HOXC8: variants seen among roughly 807,000 people sequenced by gnomAD.
HOXC8 encodes homeobox protein Hox-C8.
HOXC8 carries 14 observed loss-of-function variants against 25.8 expected under a neutral mutation model. That is an observed-to-expected ratio of 0.54 (90% CI 0.36 to 0.85). The LOEUF (loss-of-function observed/expected upper bound fraction) is 0.85. HOXC8 is among the 40% of genes least tolerant of loss of function. The probability of loss-of-function intolerance (pLI) is 0.01; values close to 1 mark genes in which losing one functional copy is unlikely to be tolerated. For missense variants in HOXC8, 316 were observed against 308.8 expected (o/e 1.02, Z -0.17); for synonymous variants, 144 against 124.6 (o/e 1.16, Z -1.04).
rs1940001332 is a variant in HOXC8 at position 54,011,812 on chromosome 12, T to G, written c.*431T>G. 1 of 153,478 alleles carries G rather than the reference T, an allele frequency of 6.5e-6. No homozygotes were observed. The highest frequency in any genetic ancestry group is 2.4e-5 in the African/African-American group (1 of 41,474). The allele number at this position is 153,478 out of a possible 1,614,324, so 9.5% of individuals were successfully genotyped here. A position where few individuals can be genotyped will look rare whatever the true frequency, so the allele number is the denominator to read the frequency against. ...GAAATGCAGAAAAGGACTTGTGGTT[T>G]TGTTTTTATGCTAAGGCTAGTGTAC... On this transcript the variant is annotated 3_prime_UTR_variant, in exon 2 of 2. Coordinates refer to ENST00000040584, the MANE Select transcript of HOXC8 (RefSeq NM_022658.4).
In HOXC8 at chr12:54,009,839, AC is replaced by A; in HGVS notation, c.436+124del. On this transcript the variant is annotated intron_variant, in intron 1 of 1. Coordinates refer to ENST00000040584, the MANE Select transcript of HOXC8 (RefSeq NM_022658.4). This position sits in a 1 kb window ranked among gnomAD's most constrained non-coding sequence, Gnocchi z 5.0. ...CTGGCTTTGGGGTCTCTCCCGCCCC[AC>A]CCCCGTGCCTGTGCCTGGGTGGTTT... is the stretch of plus-strand genomic sequence containing the variant. 1 of 867,626 alleles carries A rather than the reference AC, an allele frequency of 1.2e-6. No individual in the cohort carries two copies. The highest frequency in any genetic ancestry group is 1.8e-6 in the Non-Finnish European group (1 of 559,350). The allele number at this position is 867,626 out of a possible 1,614,324, so 53.7% of individuals were successfully genotyped here.
In HOXC8 at chr12:54,009,404, C is replaced by CGGGCCCG; in HGVS notation, c.122_128dup (p.Gly44AlafsTer39). The CGGGCCCG allele has an allele frequency of 6.2e-7, 1 of 1,614,022 alleles. No homozygotes were observed. Among genetic ancestry groups the CGGGCCCG allele is most frequent in the Non-Finnish European group, 8.5e-7 (1 of 1,179,968 alleles). On this transcript the variant is annotated frameshift_variant, in exon 1 of 2. Coordinates refer to ENST00000040584, the MANE Select transcript of HOXC8 (RefSeq NM_022658.4). LOFTEE classifies it high-confidence loss of function. The surrounding 1 kb of genome is among the most constrained non-coding windows in gnomAD (Gnocchi z 5.0). ...TGGGCAGGAGCCATGCGCTGGTGTACGGGCCCGGCGGCTCGGCGCCCGGCT... is the reference window on the plus strand; with the variant it reads ...TGGGCAGGAGCCATGCGCTGGTGTACGGGCCCGGGGCCCGGCGGCTCGGCGCCCGGCT...
At position 54,009,713 on chromosome 12, in the gene HOXC8, A is replaced by T. The variant is rs767319299; in HGVS notation, c.429A>T (p.Arg143Ser). 1 of 1,613,034 alleles carries T rather than the reference A, an allele frequency of 6.2e-7. No homozygotes were observed. Residue 143 changes from arginine to serine, a missense_variant, in exon 1 of 2, where the codon AGA becomes AGT. Coordinates refer to ENST00000040584, the MANE Select transcript of HOXC8 (RefSeq NM_022658.4). This position sits in a 1 kb window ranked among gnomAD's most constrained non-coding sequence, Gnocchi z 5.0. ...CCAGCCTCATGTTTCCATGGATGAGACCCCACGGTGAGAAGCCTTTTCTCT... is the reference window on the plus strand; with the variant it reads ...CCAGCCTCATGTTTCCATGGATGAGTCCCCACGGTGAGAAGCCTTTTCTCT... ...SSPSLMFPWM[R>S]PHAPGRRSGR...
At position 54,009,806 on chromosome 12, in the gene HOXC8, T is replaced by C. The variant is rs556108391; in HGVS notation, c.436+86T>C. On this transcript the variant is annotated intron_variant, in intron 1 of 1. Coordinates refer to ENST00000040584, the MANE Select transcript of HOXC8 (RefSeq NM_022658.4). The surrounding 1 kb of genome is among the most constrained non-coding windows in gnomAD (Gnocchi z 5.0). Reference sequence around the variant, plus strand: ...TCGCCTCCTTTTTGTCTGCCCTCGCTTTTTCTCCTGGCTTTGGGGTCTCTC... The same window carrying C: ...TCGCCTCCTTTTTGTCTGCCCTCGCCTTTTCTCCTGGCTTTGGGGTCTCTC... 2.5e-5 allele frequency: 31 copies of C among 1,228,804 alleles called. No individual in the cohort carries two copies. In the African/African-American group the frequency reaches 4.2e-4, roughly 17 times the overall value. The allele number at this position is 1,228,804 out of a possible 1,614,324, so 76.1% of individuals were successfully genotyped here.
chr12:54,009,016 A>T lies in HOXC8; in HGVS notation c.-269A>T, dbSNP rs1939915105. On this transcript the variant is annotated 5_prime_UTR_variant, in exon 1 of 2. Transcript: ENST00000040584. The surrounding 1 kb of genome is among the most constrained non-coding windows in gnomAD (Gnocchi z 5.0). ...GAGAGCGCGAGCTCTACCTACCGAC[A>T]GTGAGGAGCGCCGCCGCCGCCGCCG... 7.1e-6 allele frequency: 1 copy of T among 139,890 alleles called. No homozygotes were observed. Among genetic ancestry groups the T allele is most frequent in the Non-Finnish European group, 1.6e-5 (1 of 64,474 alleles). 8.7% of individuals were successfully genotyped at this position (139,890 alleles called of 1,614,324 possible).
Position 54,009,319 on chromosome 12 carries a change from A to C in HOXC8, c.35A>C (p.Lys12Thr). The C allele has an allele frequency of 1.9e-6, 3 of 1,603,534 alleles. No individual in the cohort carries two copies. In the South Asian group the frequency reaches 3.3e-5, roughly 18 times the overall value. ...SSYFVNPLFS[K>T]YKAGESLEPA... Reference sequence around the variant, plus strand: ...TACTTCGTCAACCCCCTGTTCTCCAAATACAAAGCCGGCGAGTCCCTGGAA... The same window carrying C: ...TACTTCGTCAACCCCCTGTTCTCCACATACAAAGCCGGCGAGTCCCTGGAA... Residue 12 changes from lysine to threonine, a missense_variant, in exon 1 of 2, where the codon AAA (lysine) becomes ACA (threonine). Physicochemically the swap from Lys to Thr is moderately conservative, Grantham distance 78 (BLOSUM62 -1). Transcript: ENST00000040584. This position sits in a 1 kb window ranked among gnomAD's most constrained non-coding sequence, Gnocchi z 5.0.
At position 54,009,437 on chromosome 12, in the gene HOXC8, C is replaced by T. The variant is rs563958540; in HGVS notation, c.153C>T (p.His51=). The T allele has an allele frequency of 1.9e-6, 3 of 1,614,016 alleles. No homozygotes were observed. The highest frequency in any genetic ancestry group is 2.7e-5 in the African/African-American group (2 of 74,928). Residue 51 remains histidine (H), a synonymous_variant, in exon 1 of 2, where the codon CAC becomes CAT. Transcript: ENST00000040584. The surrounding 1 kb of genome is among the most constrained non-coding windows in gnomAD (Gnocchi z 5.0). ...GPGGSAPGFQ[H]ASHHVQDFFH... is the part of the protein sequence containing the mutation. ...GCGGCTCGGCGCCCGGCTTCCAGCA[C>T]GCTTCGCACCACGTTCAAGACTTCT...
Position 54,009,401 on chromosome 12 carries a change from G to T in HOXC8, c.117G>T (p.Val39=). ...PQSVGRSHAL[V]YGPGGSAPGF... ...GCGTGGGCAGGAGCCATGCGCTGGT[G>T]TACGGGCCCGGCGGCTCGGCGCCCG... is the stretch of plus-strand genomic sequence containing the variant. The change falls in exon 1 of 2, where the codon GTG becomes GTT. Residue 39 remains valine, a synonymous_variant. Transcript: ENST00000040584. The surrounding 1 kb of genome is among the most constrained non-coding windows in gnomAD (Gnocchi z 5.0). 1 of 1,614,068 alleles carries T rather than the reference G, an allele frequency of 6.2e-7. No individual in the cohort carries two copies. The highest frequency in any genetic ancestry group is 8.5e-7 in the Non-Finnish European group (1 of 1,179,978).
rs1940025688 is a variant in HOXC8, at chr12:54,012,727, G to T, written c.*1346G>T. 6.6e-6 allele frequency among the ~76,000 whole-genome samples: 1 copy of T among 152,244 alleles called. No individual in the cohort carries two copies. The highest frequency in any genetic ancestry group is 2.4e-5 in the African/African-American group (1 of 41,532). On this transcript the variant is annotated 3_prime_UTR_variant, in exon 2 of 2. Transcript: ENST00000040584. ...GTTCCTGGTCCAAGTACTTTGTATTGTATACGTGAGTCATAATAATAAAAA... is the reference window on the plus strand; with the variant it reads ...GTTCCTGGTCCAAGTACTTTGTATTTTATACGTGAGTCATAATAATAAAAA...
chr12:54,009,194 T>G lies in HOXC8; in HGVS notation c.-91T>G. 2.3e-5 allele frequency: 26 copies of G among 1,114,788 alleles called. No individual in the cohort carries two copies. The highest frequency in any genetic ancestry group is 3.1e-5 in the Non-Finnish European group (24 of 769,894). The allele number at this position is 1,114,788 out of a possible 1,614,324, so 69.1% of individuals were successfully genotyped here. A position where few individuals can be genotyped will look rare whatever the true frequency, so the allele number is the denominator to read the frequency against. Reference sequence around the variant, plus strand: ...TCCCGGGGAGCCAGCTGGCCTGGGGTTCGGTCCCGGGGGGAGGGGAGTTTC... The same window carrying G: ...TCCCGGGGAGCCAGCTGGCCTGGGGGTCGGTCCCGGGGGGAGGGGAGTTTC... On this transcript the variant is annotated 5_prime_UTR_variant, in exon 1 of 2. Coordinates refer to ENST00000040584, the MANE Select transcript of HOXC8 (RefSeq NM_022658.4). This position sits in a 1 kb window ranked among gnomAD's most constrained non-coding sequence, Gnocchi z 5.0.
Position 54,011,405 on chromosome 12 carries a change from C to CG in HOXC8, c.*24_*25insG. 7.0e-7 allele frequency: 1 copy of CG among 1,422,276 alleles called. No homozygotes were observed. The highest frequency in any genetic ancestry group is 1.5e-5 in the South Asian group (1 of 65,264). 88.1% of individuals were successfully genotyped at this position (1,422,276 alleles called of 1,614,324 possible). A position where few individuals can be genotyped will look rare whatever the true frequency, so the allele number is the denominator to read the frequency against. ...AAGCAAAAAAGAAAGACCCCCCCCC[C>CG]CTTAGCAACTCCCTTGAAGTTTCGT... On this transcript the variant is annotated 3_prime_UTR_variant, in exon 2 of 2. Coordinates refer to ENST00000040584, the MANE Select transcript of HOXC8 (RefSeq NM_022658.4).
At position 54,011,505 on chromosome 12, in the gene HOXC8, TCTAA is replaced by T; in HGVS notation, c.*128_*131del. 4.2e-6 allele frequency: 5 copies of T among 1,179,000 alleles called. No homozygotes were observed. The highest frequency in any genetic ancestry group is 2.2e-5 in the South Asian group (1 of 44,512). 73.0% of individuals were successfully genotyped at this position (1,179,000 alleles called of 1,614,324 possible). A position where few individuals can be genotyped will look rare whatever the true frequency, so the allele number is the denominator to read the frequency against. On this transcript the variant is annotated 3_prime_UTR_variant, in exon 2 of 2. Coordinates refer to ENST00000040584, the MANE Select transcript of HOXC8 (RefSeq NM_022658.4). ...TAGAGAATAGAATGACACTCACAAC[TCTAA>T]CTACCTGTCAGATACTTGCAGCTCT...
Position 54,012,608 on chromosome 12 carries a change from G to GA in HOXC8, c.*1234dup, listed in dbSNP as rs1178689929. 6.6e-6 allele frequency among the ~76,000 whole-genome samples: 1 copy of GA among 152,016 alleles called. No homozygotes were observed. Among genetic ancestry groups the GA allele is most frequent in the Non-Finnish European group, 1.5e-5 (1 of 67,996 alleles). On this transcript the variant is annotated 3_prime_UTR_variant, in exon 2 of 2. Coordinates refer to ENST00000040584, the MANE Select transcript of HOXC8 (RefSeq NM_022658.4). Reference sequence around the variant, plus strand: ...CTCTGTTTATGCAATGTGCTCGAAAGAAAAAAATGTTAAAAATATATCTAT... The same window carrying GA: ...CTCTGTTTATGCAATGTGCTCGAAAGAAAAAAAATGTTAAAAATATATCTAT...
chr12:54,011,202 C>T lies in HOXC8; in HGVS notation c.550C>T (p.His184Tyr). Residue 184 changes from histidine (H) to tyrosine (Y), a missense_variant, in exon 2 of 2, where the codon CAT (histidine) becomes TAT (tyrosine). By Grantham distance (83) the His-to-Tyr change is moderately conservative. Transcript: ENST00000040584. ...LTRKRRIEVS[H>Y]ALGLTERQVK... is the part of the protein sequence containing the mutation. ...ACGAAAACGTCGGATTGAAGTCTCT[C>T]ATGCCCTGGGACTGACCGAGAGACA... 6.2e-7 allele frequency: 1 copy of T among 1,614,040 alleles called. No homozygotes were observed. Among genetic ancestry groups the T allele is most frequent in the Non-Finnish European group, 8.5e-7 (1 of 1,179,972 alleles).
chr12:54,009,059 G>GC lies in HOXC8; in HGVS notation c.-224dup. 2.5e-5 allele frequency: 4 copies of GC among 161,570 alleles called. No individual in the cohort carries two copies. Among genetic ancestry groups the GC allele is most frequent in the Non-Finnish European group, 5.2e-5 (4 of 76,668 alleles). The allele number at this position is 161,570 out of a possible 1,614,324, so 10.0% of individuals were successfully genotyped here. ...CGCCGCCGCCGCCCGCTCGCCGCCCGCCGCCGCCGCCGCCCGCGCCCCAGC... is the reference window on the plus strand; with the variant it reads ...CGCCGCCGCCGCCCGCTCGCCGCCCGCCCGCCGCCGCCGCCCGCGCCCCAGC... On this transcript the variant is annotated 5_prime_UTR_variant, in exon 1 of 2. Coordinates refer to ENST00000040584, the MANE Select transcript of HOXC8 (RefSeq NM_022658.4). The surrounding 1 kb of genome is among the most constrained non-coding windows in gnomAD (Gnocchi z 5.0).
At position 54,009,350 on chromosome 12, in the gene HOXC8, C is replaced by T. The variant is rs139631619; in HGVS notation, c.66C>T (p.Ala22=). The change falls in exon 1 of 2, where the codon GCC becomes GCT. Residue 22 remains alanine, a synonymous_variant. Coordinates refer to ENST00000040584, the MANE Select transcript of HOXC8 (RefSeq NM_022658.4). The surrounding 1 kb of genome is among the most constrained non-coding windows in gnomAD (Gnocchi z 5.0). ...AAGCCGGCGAGTCCCTGGAACCGGC[C>T]TATTACGACTGCCGGTTCCCTCAGA... is the stretch of plus-strand genomic sequence containing the variant. The part of the protein sequence containing the change: ...KYKAGESLEP[A]YYDCRFPQSV... 13 of 1,612,690 alleles carry T rather than the reference C, an allele frequency of 8.1e-6. No homozygotes were observed. In the African/African-American group the frequency reaches 1.3e-4, roughly 17 times the overall value.
chr12:54,009,146 C>CCCAGCCCA lies in HOXC8; in HGVS notation c.-130_-123dup, dbSNP rs1474937709. ...GAGGCGCCCCCCAACCTGCCCAGCC[C>CCCAGCCCA]CCAGCCCACCAGCCCAGCCCAGTCC... is the stretch of plus-strand genomic sequence containing the variant. On this transcript the variant is annotated 5_prime_UTR_variant, in exon 1 of 2. Transcript: ENST00000040584. The surrounding 1 kb of genome is among the most constrained non-coding windows in gnomAD (Gnocchi z 5.0). 5.3e-6 allele frequency: 4 copies of CCCAGCCCA among 754,704 alleles called. No individual in the cohort carries two copies. The highest frequency in any genetic ancestry group is 4.9e-5 in the Admixed American group (2 of 41,152). 46.8% of individuals were successfully genotyped at this position (754,704 alleles called of 1,614,324 possible). A position where few individuals can be genotyped will look rare whatever the true frequency, so the allele number is the denominator to read the frequency against.
Position 54,011,464 on chromosome 12 carries a change from C to G in HOXC8, c.*83C>G. On this transcript the variant is annotated 3_prime_UTR_variant, in exon 2 of 2. Transcript: ENST00000040584. ...AGCAGATAAATTGAGAAGTTTACGACTGTCATTTGCTTTTATAGAGAATAG... is the reference window on the plus strand; with the variant it reads ...AGCAGATAAATTGAGAAGTTTACGAGTGTCATTTGCTTTTATAGAGAATAG... 1 of 1,433,476 alleles carries G rather than the reference C, an allele frequency of 7.0e-7. No individual in the cohort carries two copies. Among genetic ancestry groups the G allele is most frequent in the Non-Finnish European group, 9.1e-7 (1 of 1,099,914 alleles). 88.8% of individuals were successfully genotyped at this position (1,433,476 alleles called of 1,614,324 possible). A position where few individuals can be genotyped will look rare whatever the true frequency, so the allele number is the denominator to read the frequency against.
chr12:54,012,350 AAAAAG>A lies in HOXC8; in HGVS notation c.*973_*977del, dbSNP rs1199032655. 165 of 152,002 alleles carry A rather than the reference AAAAAG, an allele frequency of 1.1e-3. 1 individual carries two copies. Among genetic ancestry groups the A allele is most frequent in the African/African-American group, 3.7e-3 (152 of 41,370 alleles). The allele number at this position is 152,002 out of a possible 1,614,324, so 9.4% of individuals were successfully genotyped here. ...GAAAAAAATAAAAATCAAAAAAAAA[AAAAAG>A]AAAGAAAGAAACCTCCAGCGTATTT... On this transcript the variant is annotated 3_prime_UTR_variant, in exon 2 of 2. Coordinates refer to ENST00000040584, the MANE Select transcript of HOXC8 (RefSeq NM_022658.4).
Sources: gnomAD v4.1 joint callset for allele counts (sites outside exome capture counted in the v4.1 genomes callset) on GRCh38, gnomAD v4.1.1 for gene constraint, Gnocchi (gnomAD v3.1) non-coding constraint, MANE v1.5 for transcripts, NCBI Gene and HGNC (gene_info 2026-07-23, HGNC 2026-07-21) for gene names.